The following DCLRE1B variants were observed in gnomAD, a reference collection of about 807,000 sequenced individuals.
The protein encoded by DCLRE1B is 5' exonuclease Apollo.
DCLRE1B carries 6 observed loss-of-function variants against 19.8 expected under a neutral mutation model. That is an observed-to-expected ratio of 0.30 (90% CI 0.17 to 0.60). The LOEUF is 0.60. Ranked by LOEUF, DCLRE1B falls within the 20% of genes least tolerant of loss-of-function variation. The probability of loss-of-function intolerance (pLI) is 0.87; values close to 1 mark genes in which losing one functional copy is unlikely to be tolerated. For synonymous variants in DCLRE1B, 258 were observed against 255.7 expected (o/e 1.01, Z -0.09); for missense variants, 622 against 654.2 (o/e 0.95, Z 0.54).
chr1:113,904,894 C>T, upstream of DCLRE1B: 1 of 631,544 alleles, frequency 1.6e-6, no homozygotes, highest in African/African-American at 1.8e-5. Context: ...CACACTTCCA[C>T]GCCCTCCGCG....
chr1:113,909,431 G>A (rs1399953278), intron 3 of DCLRE1B, among the ~76,000 whole-genome samples: 1 of 152,218 alleles, frequency 6.6e-6, no homozygotes, highest in East Asian at 1.9e-4. Flanking sequence ...TTCCAAATTT[G>A]TGAGTCTACA....
intron 3 of DCLRE1B, among the ~76,000 whole-genome samples, chr1:113,908,616 A>C (rs1669131497): frequency 6.6e-6 from 1 of 152,174 alleles, no homozygotes; most frequent in South Asian, 2.1e-4. Context: ...GTCTCAATAA[A>C]TGAATGAATG....
rs1285978199 is a variant in DCLRE1B at position 113,905,559 on chromosome 1, T to G, written c.-28T>G. 6.2e-7 allele frequency: 1 copy of G among 1,607,870 alleles called. No homozygotes were observed. The highest frequency in any genetic ancestry group is 8.5e-7 in the Non-Finnish European group (1 of 1,177,268). ...AGGAGCCCTGCCCCCGTGGAGAAGA[T>G]CCCACTGGTGACTCCAACCCTACCA... On this transcript the variant is annotated 5_prime_UTR_variant, in exon 1 of 4. Transcript: ENST00000650450.
chr1:113,907,515 G>A (rs1669081448), intron 2 of DCLRE1B, among the ~76,000 whole-genome samples: 2 of 152,016 alleles, frequency 1.3e-5, no homozygotes, highest in South Asian at 4.1e-4. Flanking sequence ...TGTCACCCAG[G>A]CTGGAGTGCA....
At position 113,911,338 on chromosome 1, in the gene DCLRE1B, A is replaced by G; in HGVS notation, c.746A>G (p.His249Arg). Residue 249 changes from histidine to arginine, a missense_variant, in exon 4 of 4, where the codon CAC (histidine) becomes CGC (arginine). Physicochemically the swap from His to Arg is conservative, Grantham distance 29. Transcript: ENST00000650450. The part of the protein sequence containing the change: ...HSNMLRWNQT[H>R]PTIAILPTSR... ...AACATGCTGCGTTGGAACCAGACCC[A>G]CCCTACGATTGCTATCCTTCCCACA... 1 of 1,613,996 alleles carries G rather than the reference A, an allele frequency of 6.2e-7. No homozygotes were observed. Among genetic ancestry groups the G allele is most frequent in the Non-Finnish European group, 8.5e-7 (1 of 1,180,000 alleles).
Position 113,913,521 on chromosome 1 carries a change from C to G in DCLRE1B, c.*1330C>G, listed in dbSNP as rs28381084. On this transcript the variant is annotated 3_prime_UTR_variant, in exon 4 of 4. Coordinates refer to ENST00000650450, the MANE Select transcript of DCLRE1B (RefSeq NM_022836.4). Reference sequence around the variant, plus strand: ...GTGAGGCATTTGGTGCAGCAGGAAACATGGGGACTGCCTAGGCTCGAATCT... The same window carrying G: ...GTGAGGCATTTGGTGCAGCAGGAAAGATGGGGACTGCCTAGGCTCGAATCT... 1 of 152,878 alleles carries G rather than the reference C, an allele frequency of 6.5e-6. No homozygotes were observed. Among genetic ancestry groups the G allele is most frequent in the South Asian group, 2.1e-4 (1 of 4,828 alleles). 9.5% of individuals were successfully genotyped at this position (152,878 alleles called of 1,614,324 possible). A position where few individuals can be genotyped will look rare whatever the true frequency, so the allele number is the denominator to read the frequency against.
In DCLRE1B at chr1:113,905,386, C is replaced by G; in HGVS notation, c.-201C>G. On this transcript the variant is annotated 5_prime_UTR_variant, in exon 1 of 4. Coordinates refer to ENST00000650450, the MANE Select transcript of DCLRE1B (RefSeq NM_022836.4). ...GGTTGGGAGTGTCCAGCGCCCTCCG[C>G]GATTTGGGCTCCAGCGGGCAGGGTG... 1.7e-6 allele frequency: 1 copy of G among 605,312 alleles called. No homozygotes were observed. The highest frequency in any genetic ancestry group is 2.8e-6 in the Non-Finnish European group (1 of 357,154). The allele number at this position is 605,312 out of a possible 1,614,324, so 37.5% of individuals were successfully genotyped here.
rs1487305204 is a variant in DCLRE1B, at chr1:113,905,355, C to G, written c.-232C>G. On this transcript the variant is annotated 5_prime_UTR_variant, in exon 1 of 4. Transcript: ENST00000650450. ...TGAGTGCCCGGCTCGGCCTCCGCTC[C>G]CGCGCGGTTGGGAGTGTCCAGCGCC... 5 of 531,488 alleles carry G rather than the reference C, an allele frequency of 9.4e-6. No individual in the cohort carries two copies. In the East Asian group the frequency reaches 1.7e-4, roughly 18 times the overall value. The allele number at this position is 531,488 out of a possible 1,614,324, so 32.9% of individuals were successfully genotyped here.
rs1242638990 is a variant in DCLRE1B at position 113,912,099 on chromosome 1, A to G, written c.1507A>G (p.Lys503Glu). The change falls in exon 4 of 4, where the codon AAA (lysine) becomes GAA (glutamate). Residue 503 changes from lysine (K) to glutamate (E), a missense_variant. Coordinates refer to ENST00000650450, the MANE Select transcript of DCLRE1B (RefSeq NM_022836.4). ...TACTGAATTCAGGGGTCTAGCACTC[A>G]AATATCTTCTGACTCCAGTGAACTT... ...LATEFRGLAL[K>E]YLLTPVNFFQ... 2 of 1,614,094 alleles carry G rather than the reference A, an allele frequency of 1.2e-6. No individual in the cohort carries two copies. Among genetic ancestry groups the G allele is most frequent in the Non-Finnish European group, 1.7e-6 (2 of 1,180,052 alleles).
In DCLRE1B at chr1:113,911,264, G is replaced by A. The variant is rs1669241383; in HGVS notation, c.672G>A (p.Glu224=). Residue 224 remains glutamate, a synonymous_variant, in exon 4 of 4, where the codon GAG becomes GAA. Transcript: ENST00000650450. ...LGLADVFTVE[E]KAGRIHAVDH... ...TGGCAGATGTGTTCACAGTGGAGGA[G>A]AAGGCTGGCCGCATCCATGCAGTAG... The A allele has an allele frequency of 1.2e-6, 2 of 1,614,152 alleles. No individual in the cohort carries two copies. The highest frequency in any genetic ancestry group is 1.6e-4 in the Middle Eastern group (1 of 6,062).
Position 113,911,275 on chromosome 1 carries a change from G to T in DCLRE1B, c.683G>T (p.Arg228Leu). Residue 228 changes from arginine to leucine, a missense_variant, in exon 4 of 4, where the codon CGC becomes CTC. Physicochemically the swap from Arg to Leu is moderately radical, Grantham distance 102 (BLOSUM62 -2). Transcript: ENST00000650450. ...DVFTVEEKAG[R>L]IHAVDHMEIC... ...TTCACAGTGGAGGAGAAGGCTGGCCGCATCCATGCAGTAGACCATATGGAG... is the reference window on the plus strand; with the variant it reads ...TTCACAGTGGAGGAGAAGGCTGGCCTCATCCATGCAGTAGACCATATGGAG... The T allele has an allele frequency of 6.2e-7, 1 of 1,614,092 alleles. No homozygotes were observed. Among genetic ancestry groups the T allele is most frequent in the African/African-American group, 1.3e-5 (1 of 74,972 alleles).
chr1:113,912,522 A>G lies in DCLRE1B; in HGVS notation c.*331A>G, dbSNP rs1413654466. The G allele has an allele frequency of 5.0e-6, 1 of 201,524 alleles. No homozygotes were observed. Among genetic ancestry groups the G allele is most frequent in the African/African-American group, 2.3e-5 (1 of 42,792 alleles). 12.5% of individuals were successfully genotyped at this position (201,524 alleles called of 1,614,324 possible). The stretch of plus-strand genomic sequence containing the variant: ...CAGTATTTCTCAAACTTTTGTGAAC[A>G]TGCAATCATCTTATGTGGGTACAGA... On this transcript the variant is annotated 3_prime_UTR_variant, in exon 4 of 4. Transcript: ENST00000650450.
At chr1:113,905,024 C>G, upstream of DCLRE1B, 1 of 419,448 alleles carries the variant, frequency 2.4e-6, no homozygotes. Flanking sequence ...GCGCCGCGTC[C>G]GACTGACCGC....
At chr1:113,904,751 C>T (rs763036231), upstream of DCLRE1B, 13 of 1,573,552 alleles carry the variant, frequency 8.3e-6, no homozygotes, top group Non-Finnish European at 9.6e-6. Flanking sequence ...TCCCACAGCT[C>T]CCACGGTAAC....
chr1:113,906,032 T>C (rs2101063936), intron 1 of DCLRE1B, among the ~76,000 whole-genome samples: 1 of 151,010 alleles, frequency 6.6e-6, no homozygotes, highest in East Asian at 2.0e-4. Flanking sequence ...TAGGCCGATG[T>C]TTCCCAAACT....
At chr1:113,905,016 G>T (rs1350303810), upstream of DCLRE1B, 1 of 428,026 alleles carries the variant, frequency 2.3e-6, no homozygotes, top group Non-Finnish European at 4.4e-6. Flanking sequence ...GATTTCCAGC[G>T]CCGCGTCCGA....
At position 113,911,942 on chromosome 1, in the gene DCLRE1B, A is replaced by G; in HGVS notation, c.1350A>G (p.Glu450=). ...EEFISQKTRE[E]IGLGSPLVPM... is the part of the protein sequence containing the mutation. ...TTATTTCTCAAAAAACCAGGGAGGA[A>G]ATTGGTTTAGGGTCCCCCTTGGTAC... The change falls in exon 4 of 4, where the codon GAA becomes GAG. Residue 450 remains glutamate (E), a synonymous_variant. Transcript: ENST00000650450. 6.2e-7 allele frequency: 1 copy of G among 1,614,098 alleles called. No homozygotes were observed. The highest frequency in any genetic ancestry group is 8.5e-7 in the Non-Finnish European group (1 of 1,180,020).
At position 113,905,764 on chromosome 1, in the gene DCLRE1B, C is replaced by A; in HGVS notation, c.178C>A (p.Arg60Ser). ...CSPITAHLLH[R>S]HLQVSKQWIQ... ...CCCAATTACAGCCCACCTCTTGCATCGTCACCTACAGGTATGGGGCTGGAG... is the reference window on the plus strand; with the variant it reads ...CCCAATTACAGCCCACCTCTTGCATAGTCACCTACAGGTATGGGGCTGGAG... The change falls in exon 1 of 4, where the codon CGT becomes AGT. Residue 60 changes from arginine (R) to serine (S), a missense_variant. Around this residue, in one of 3 missense-constraint regions of DCLRE1B, gnomAD observed 237 missense variants for 223.8 expected, o/e 1.06. Coordinates refer to ENST00000650450, the MANE Select transcript of DCLRE1B (RefSeq NM_022836.4). 1 of 1,613,250 alleles carries A rather than the reference C, an allele frequency of 6.2e-7. No individual in the cohort carries two copies. The highest frequency in any genetic ancestry group is 8.5e-7 in the Non-Finnish European group (1 of 1,179,532).
intron 2 of DCLRE1B, among the ~76,000 whole-genome samples, chr1:113,907,734 A>G (rs952921180): frequency 7.2e-5 from 11 of 152,128 alleles, no homozygotes; most frequent in Non-Finnish European, 1.3e-4. Flanking sequence ...TCGGCCCCCC[A>G]AAGTGCTGGG....
Sources: gnomAD v4.1 joint callset for allele counts (sites outside exome capture counted in the v4.1 genomes callset) on GRCh38, gnomAD v4.1.1 for gene constraint, gnomAD v4.1.1 regional missense constraint, MANE v1.5 for transcripts, NCBI Gene and HGNC (gene_info 2026-07-23, HGNC 2026-07-21) for gene names.